GRK7: variants seen among roughly 807,000 people sequenced by gnomAD.
GRK7 encodes the protein rhodopsin kinase GRK7.
GRK7 carries 24 observed loss-of-function variants against 34.1 expected under a neutral mutation model. The ratio of observed to expected loss-of-function variants is 0.70; its 90% CI spans 0.51 to 0.99. The LOEUF is 0.99. Among genes scored for constraint, GRK7 ranks in the 50% least tolerant of loss-of-function variants. The pLI, the probability that GRK7 is intolerant of heterozygous loss-of-function variation, is 0.00. For missense variants in GRK7, 644 were observed against 707.3 expected (o/e 0.91, Z 1.02); for synonymous variants, 256 against 279.4 (o/e 0.92, Z 0.84).
Position 141,818,362 on chromosome 3 carries a change from T to G in GRK7, c.*1312T>G, listed in dbSNP as rs1287924597. 2 of 152,376 alleles carry G rather than the reference T, an allele frequency of 1.3e-5. No individual in the cohort carries two copies. Among genetic ancestry groups the G allele is most frequent in the Non-Finnish European group, 2.9e-5 (2 of 68,248 alleles). 9.4% of individuals were successfully genotyped at this position (152,376 alleles called of 1,614,324 possible). A position where few individuals can be genotyped will look rare whatever the true frequency, so the allele number is the denominator to read the frequency against. Reference sequence around the variant, plus strand: ...CCGGTGTGGTGGTGCACATCTATAATCCCAGTTACCCGGGAGCCTGAGGCA... The same window carrying G: ...CCGGTGTGGTGGTGCACATCTATAAGCCCAGTTACCCGGGAGCCTGAGGCA... On this transcript the variant is annotated 3_prime_UTR_variant, in exon 6 of 6. Coordinates refer to ENST00000682958, the MANE Select transcript of GRK7 (RefSeq NM_139209.3).
At chr3:141,750,246 T>C in the GRK7 span, among the ~76,000 whole-genome samples, 7 of 152,370 alleles carry the variant, frequency 4.6e-5, no homozygotes, top group Middle Eastern at 6.8e-3. Context: ...ATCAACCTGC[T>C]CCTTCATCTT....
intron 5 of GRK7, among the ~76,000 whole-genome samples, chr3:141,815,555 C>T (rs996001553): frequency 2.6e-5 from 4 of 151,964 alleles, no homozygotes; most frequent in Non-Finnish European, 5.9e-5. Context: ...CCCAATGATC[C>T]CCACATCCTG....
chr3:141,752,628 T>C, the GRK7 span, among the ~76,000 whole-genome samples: 1 of 152,342 alleles, frequency 6.6e-6, no homozygotes, highest in East Asian at 1.9e-4. Context: ...TCAAACTCTT[T>C]TCTAAGAGCT....
At chr3:141,788,057 A>G (rs955864347) in intron 4 of GRK7, among the ~76,000 whole-genome samples, 2 of 152,116 alleles carry the variant, frequency 1.3e-5, no homozygotes, top group African/African-American at 4.8e-5. Flanking sequence ...AATAATACCT[A>G]CTGCCTATTT....
At chr3:141,775,113 A>C (rs771984816) in intron 2 of GRK7, among the ~76,000 whole-genome samples, 7 of 152,148 alleles carry the variant, frequency 4.6e-5, no homozygotes, top group Admixed American at 1.3e-4. Flanking sequence ...AATTAATAAG[A>C]AAGTGAACCA....
chr3:141,804,652 TACAC>T (rs541261332), intron 4 of GRK7, among the ~76,000 whole-genome samples: 1 of 146,170 alleles, frequency 6.8e-6, no homozygotes, highest in Non-Finnish European at 1.5e-5. Context: ...CATGCACATA[TACAC>T]ACACATACAC....
Position 141,764,282 on chromosome 3 carries a change from G to A in GRK7, c.-1671G>A, listed in dbSNP as rs1464097000. On this transcript the variant is annotated 5_prime_UTR_variant, in exon 1 of 6. Coordinates refer to ENST00000682958, the MANE Select transcript of GRK7 (RefSeq NM_139209.3). ...CTCACTCCAGTGGTCACACCCTTAAGCAAGACTCCTCAAGAGTAGCTTACA... is the reference window on the plus strand; with the variant it reads ...CTCACTCCAGTGGTCACACCCTTAAACAAGACTCCTCAAGAGTAGCTTACA... Among the ~76,000 whole-genome samples, 1 of 152,072 alleles carries A rather than the reference G, an allele frequency of 6.6e-6. No individual in the cohort carries two copies. The highest frequency in any genetic ancestry group is 1.5e-5 in the Non-Finnish European group (1 of 68,018).
intron 1 of GRK7, among the ~76,000 whole-genome samples, chr3:141,772,563 A>G (rs566361672): frequency 6.6e-6 from 1 of 152,272 alleles, no homozygotes; most frequent in South Asian, 2.1e-4. Context: ...ATTTTAAAGG[A>G]TGGTGAGTTT....
In GRK7 at chr3:141,763,797, T is replaced by A; in HGVS notation, c.-2156T>A. 6.6e-6 allele frequency among the ~76,000 whole-genome samples: 1 copy of A among 152,128 alleles called. No homozygotes were observed. The highest frequency in any genetic ancestry group is 1.9e-4 in the East Asian group (1 of 5,198). ...TTTTATTCCTGCAACTCCCACCCCTTCCTGACTTCTGAAACTTGTCCTCTG... is the reference window on the plus strand; with the variant it reads ...TTTTATTCCTGCAACTCCCACCCCTACCTGACTTCTGAAACTTGTCCTCTG... On this transcript the variant is annotated 5_prime_UTR_variant, in exon 1 of 6. Transcript: ENST00000682958.
At chr3:141,793,532 C>T (rs9881983) in intron 4 of GRK7, among the ~76,000 whole-genome samples, 70,688 of 152,086 alleles carry the variant, frequency 0.46, 17,802 homozygotes, top group Middle Eastern at 0.63. Flanking sequence ...CCTAGTGCGG[C>T]AGGCGGTGGG....
intron 4 of GRK7, among the ~76,000 whole-genome samples, chr3:141,806,541 T>C (rs1413636665): frequency 6.6e-6 from 1 of 151,770 alleles, no homozygotes; most frequent in Non-Finnish European, 1.5e-5. Context: ...CCAGCCTGGG[T>C]GACACAACGA....
At position 141,818,534 on chromosome 3, in the gene GRK7, A is replaced by G. The variant is rs564665553; in HGVS notation, c.*1484A>G. ...AAAAAACAGAAAAGAAATTGAATTG[A>G]AAAAATACTAACCATCATTTCAAGT... On this transcript the variant is annotated 3_prime_UTR_variant, in exon 6 of 6. Coordinates refer to ENST00000682958, the MANE Select transcript of GRK7 (RefSeq NM_139209.3). 2 of 152,224 alleles carry G rather than the reference A, an allele frequency of 1.3e-5. No individual in the cohort carries two copies. Among genetic ancestry groups the G allele is most frequent in the African/African-American group, 2.4e-5 (1 of 41,442 alleles). 9.4% of individuals were successfully genotyped at this position (152,224 alleles called of 1,614,324 possible).
At chr3:141,773,408 C>A (rs186553015) in intron 1 of GRK7, among the ~76,000 whole-genome samples, 153 of 152,134 alleles carry the variant, frequency 1.0e-3, no homozygotes, top group African/African-American at 3.7e-3. Context: ...TCTTCTTCTA[C>A]ATCGCTTAGG....
upstream of GRK7, among the ~76,000 whole-genome samples, chr3:141,763,275 A>G (rs1487706345): frequency 1.3e-5 from 2 of 151,860 alleles, no homozygotes; most frequent in Admixed American, 6.6e-5. Flanking sequence ...CCAGAACTGA[A>G]GTTTTGTGAG....
At chr3:141,779,409 C>CAAAAAAAAAAAAAAAAAAAA (rs10626329) in intron 3 of GRK7, among the ~76,000 whole-genome samples, 4 of 96,508 alleles carry the variant, frequency 4.1e-5, no homozygotes, top group African/African-American at 4.2e-5. Context: ...GAGCAAGACT[C>CAAAAAAAAAAAAAAAAAAAA]AAAAAAAAAA....
chr3:141,768,034 A>G (rs1432196115), intron 1 of GRK7, among the ~76,000 whole-genome samples: 2 of 152,190 alleles, frequency 1.3e-5, no homozygotes, highest in African/African-American at 4.8e-5. Context: ...ACATTTCCTG[A>G]AAGTTAGAAA....
chr3:141,790,320 T>C (rs2084718321), intron 4 of GRK7, among the ~76,000 whole-genome samples: 1 of 151,996 alleles, frequency 6.6e-6, no homozygotes, highest in African/African-American at 2.4e-5. Context: ...TTTAATGCTA[T>C]AAAAGGCTTT....
chr3:141,793,621 C>A (rs1203869509), intron 4 of GRK7, among the ~76,000 whole-genome samples: 1 of 152,114 alleles, frequency 6.6e-6, no homozygotes, highest in Non-Finnish European at 1.5e-5. Flanking sequence ...GAGGTGGGGT[C>A]CAGACTTGTG....
intron 4 of GRK7, 138 bp from the exon 5 acceptor site, chr3:141,807,507 C>T: frequency 2.6e-6 from 2 of 771,844 alleles, no homozygotes; most frequent in Non-Finnish European, 4.2e-6. Flanking sequence ...GACACATTGC[C>T]ACCCCAAACA....
Sources: allele counts gnomAD v4.1 joint callset (sites outside exome capture counted in the v4.1 genomes callset), GRCh38; gene constraint gnomAD v4.1.1; transcripts MANE v1.5; gene names NCBI Gene and HGNC (gene_info 2026-07-23, HGNC 2026-07-21).